GFUS: variants seen among roughly 807,000 people sequenced by gnomAD.
The protein encoded by GFUS is 3-5 epimerase/4-reductase.
In GFUS, 42 loss-of-function variants were observed where a neutral mutation model predicts 41.5. The ratio of observed to expected loss-of-function variants is 1.01; its 90% CI spans 0.79 to 1.31. GFUS has a LOEUF of 1.31. Ranked by LOEUF, GFUS falls within the 50% of genes most tolerant of loss-of-function variation. The pLI is 0.00. For synonymous variants in GFUS, 188 were observed against 173.4 expected (o/e 1.08, Z -0.66); for missense variants, 437 against 428.7 (o/e 1.02, Z -0.17).
Position 143,612,847 on chromosome 8 carries a change from G to A in GFUS, c.*63C>T, listed in dbSNP as rs1017286217. The A allele has an allele frequency of 5.4e-5, 84 of 1,553,048 alleles. No individual in the cohort carries two copies. The Admixed American group carries it at 1.5e-3, about 27-fold the overall frequency. ...GCCCTCAGCTCCTGGCAGGGTTGAC[G>A]GGTGGTGGCCGCTGGGCTCTGCCAG... On this transcript the variant is annotated 3_prime_UTR_variant, in exon 11 of 11. Coordinates refer to ENST00000425753, the MANE Select transcript of GFUS (RefSeq NM_003313.4).
intron 10 of GFUS, 88 bp downstream of exon 10, chr8:143,613,108 G>A (rs1036772712): frequency 1.3e-6 from 2 of 1,536,998 alleles, no homozygotes; most frequent in South Asian, 2.2e-5. Flanking sequence ...GCTCTGAGGG[G>A]GCACCTCACC....
At chr8:143,614,746 C>G (rs373379417) in intron 4 of GFUS, 41 bp downstream of exon 4, 1 of 1,613,152 alleles carries the variant, frequency 6.2e-7, no homozygotes, top group Non-Finnish European at 8.5e-7. Context: ...CCCTGCCCAC[C>G]GGCTCCCCGG....
rs1226839692 is a variant in GFUS, at chr8:143,612,805, C to G, written c.*105G>C. ...GCTGCAGAGCGGATGGAATGCAGGC[C>G]CAGGTTGCTGGGTGGTGCCCTCAGC... On this transcript the variant is annotated 3_prime_UTR_variant, in exon 11 of 11. Coordinates refer to ENST00000425753, the MANE Select transcript of GFUS (RefSeq NM_003313.4). 4.4e-6 allele frequency: 6 copies of G among 1,376,758 alleles called. No homozygotes were observed. The highest frequency in any genetic ancestry group is 6.0e-6 in the Non-Finnish European group (6 of 1,005,006). The allele number at this position is 1,376,758 out of a possible 1,614,324, so 85.3% of individuals were successfully genotyped here. A position where few individuals can be genotyped will look rare whatever the true frequency, so the allele number is the denominator to read the frequency against.
rs766483767 is a variant in GFUS, at chr8:143,614,617, C to T, written c.464+7G>A. 11 of 1,580,782 alleles carry T rather than the reference C, an allele frequency of 7.0e-6. No homozygotes were observed. The highest frequency in any genetic ancestry group is 3.4e-5 in the Admixed American group (2 of 58,764). ...TGGCTGGGCCTCAGCAGGATGGGCG[C>T]GAGGACCTGTTCTGCACGTCGATCA... On this transcript the variant is annotated splice_region_variant and intron_variant, in intron 5 of 10. Coordinates refer to ENST00000425753, the MANE Select transcript of GFUS (RefSeq NM_003313.4).
chr8:143,614,089 G>T, intron 7 of GFUS, 75 bp downstream of exon 7: 1 of 1,584,164 alleles, frequency 6.3e-7, no homozygotes. Context: ...CCACCTCCCC[G>T]ACAGCCCAGC....
Position 143,614,845 on chromosome 8 carries a change from G to A in GFUS, c.332C>T (p.Ser111Phe). 1 of 1,613,762 alleles carries A rather than the reference G, an allele frequency of 6.2e-7. No homozygotes were observed. Among genetic ancestry groups the A allele is most frequent in the Non-Finnish European group, 8.5e-7 (1 of 1,179,990 alleles). Residue 111 changes from serine (S) to phenylalanine (F), a missense_variant, in exon 4 of 11, where the codon TCC becomes TTC. By Grantham distance (155) the Ser-to-Phe change is radical. Transcript: ENST00000425753. ...AGGGAAGATACAGGTGGACAGGCAG[G>A]ACACCACCTTGCGGGCGCCCACCTC... ...AFEVGARKVV[S>F]CLSTCIFPDK... is the part of the protein sequence containing the mutation.
chr8:143,613,498 C>T, intron 9 of GFUS, 26 bp downstream of exon 9: 4 of 1,607,854 alleles, frequency 2.5e-6, no homozygotes, highest in Non-Finnish European at 3.4e-6. Context: ...CCCCGCCCAA[C>T]CCCCAGCACT....
intron 9 of GFUS, 71 bp downstream of exon 9, chr8:143,613,453 C>T: frequency 2.6e-6 from 4 of 1,558,532 alleles, no homozygotes; most frequent in Non-Finnish European, 3.5e-6. Flanking sequence ...CACGCTGGCC[C>T]TACACCGGGT....
Position 143,617,493 on chromosome 8 carries a change from C to T in GFUS, c.-31G>A, listed in dbSNP as rs1488141598. Reference sequence around the variant, plus strand: ...CCTCACCTGCGTCCAGCCCCACCGCCGGCTCCCCGACAGCGGCTTCCGGCC... The same window carrying T: ...CCTCACCTGCGTCCAGCCCCACCGCTGGCTCCCCGACAGCGGCTTCCGGCC... On this transcript the variant is annotated 5_prime_UTR_variant, in exon 1 of 11. Coordinates refer to ENST00000425753, the MANE Select transcript of GFUS (RefSeq NM_003313.4). 1.3e-5 allele frequency: 2 copies of T among 152,292 alleles called. No individual in the cohort carries two copies. Among genetic ancestry groups the T allele is most frequent in the Non-Finnish European group, 2.9e-5 (2 of 68,082 alleles). The allele number at this position is 152,292 out of a possible 1,614,324, so 9.4% of individuals were successfully genotyped here. A position where few individuals can be genotyped will look rare whatever the true frequency, so the allele number is the denominator to read the frequency against.
chr8:143,616,701 G>A lies in GFUS; in HGVS notation c.12C>T (p.Pro4=), dbSNP rs745986929. The change falls in exon 2 of 11, where the codon CCC becomes CCT. Residue 4 remains proline (P), a synonymous_variant. Coordinates refer to ENST00000425753, the MANE Select transcript of GFUS (RefSeq NM_003313.4). MGE[P]QGSMRILVTG... ...TCACTAGAATCCGCATGGATCCCTG[G>A]GGTTCACCCATGTCAGTTGCACCTG... is the stretch of plus-strand genomic sequence containing the variant. The A allele has an allele frequency of 6.2e-7, 1 of 1,613,520 alleles. No individual in the cohort carries two copies. Among genetic ancestry groups the A allele is most frequent in the Non-Finnish European group, 8.5e-7 (1 of 1,179,960 alleles).
rs776683209 is a variant in GFUS, at chr8:143,616,672, CCT to C, written c.39_40del (p.Gly15LeufsTer29). ...GGCTTTGCCTACCAGCCCAGAGCCC[CCT>C]GTCACTAGAATCCGCATGGATCCCT... On this transcript the variant is annotated frameshift_variant, in exon 2 of 11. Transcript: ENST00000425753. LOFTEE classifies it high-confidence loss of function. 13 of 1,613,722 alleles carry C rather than the reference CCT, an allele frequency of 8.1e-6. No homozygotes were observed. In the Admixed American group the frequency reaches 1.2e-4, roughly 14 times the overall value.
intron 3 of GFUS, 149 bp from the exon 4 acceptor site, chr8:143,615,064 C>T (rs1829690747): frequency 7.7e-7 from 1 of 1,292,880 alleles, no homozygotes. Flanking sequence ...CCGGACAAGG[C>T]AGTGGGCTTA....
chr8:143,616,874 T>A, intron 1 of GFUS, 151 bp from the exon 2 acceptor site: 1 of 884,768 alleles, frequency 1.1e-6, no homozygotes, highest in South Asian at 1.6e-5. Context: ...AGGCACTCCC[T>A]CGTCGCAGCC....
At chr8:143,613,058 CCCCTCAG>C in intron 10 of GFUS, 93 bp from the exon 11 acceptor site, 1 of 1,567,930 alleles carries the variant, frequency 6.4e-7, no homozygotes, top group Non-Finnish European at 8.7e-7. Flanking sequence ...AGGGAAGTCA[CCCCTCAG>C]AGCTTTGGTG....
rs147382289 is a variant in GFUS, at chr8:143,614,186, C to T, written c.641G>A (p.Arg214Gln). 66 of 1,613,394 alleles carry T rather than the reference C, an allele frequency of 4.1e-5. No homozygotes were observed. Among genetic ancestry groups the T allele is most frequent in the African/African-American group, 6.7e-5 (5 of 74,942 alleles). ...CACCAGCGAGTATATGAACTGCCTC[C>T]GCGGATTCCCTGTACCCCACACCGT... ...ALTVWGTGNPRRQFIYSLDLA... is the reference protein window; with the variant it reads ...ALTVWGTGNPQRQFIYSLDLA... The change falls in exon 7 of 11, where the codon CGG becomes CAG. Residue 214 changes from arginine to glutamine, a missense_variant. By Grantham distance (43) the Arg-to-Gln change is conservative (BLOSUM62 1). Coordinates refer to ENST00000425753, the MANE Select transcript of GFUS (RefSeq NM_003313.4).
chr8:143,613,130 A>C, intron 10 of GFUS, 66 bp downstream of exon 10: 1 of 1,554,590 alleles, frequency 6.4e-7, no homozygotes, highest in South Asian at 1.1e-5. Flanking sequence ...CTGCCCTGGT[A>C]GCGAGCATGA....
At chr8:143,615,350 GC>G (rs1424453524) in intron 3 of GFUS, among the ~76,000 whole-genome samples, 2 of 152,202 alleles carry the variant, frequency 1.3e-5, no homozygotes, top group Admixed American at 6.5e-5. Flanking sequence ...GCCTGCGCTT[GC>G]CGGGTCCACC....
chr8:143,616,585 G>A lies in GFUS; in HGVS notation c.128C>T (p.Ser43Phe), dbSNP rs776836876. The A allele has an allele frequency of 1.1e-5, 18 of 1,613,742 alleles. No individual in the cohort carries two copies. Among genetic ancestry groups the A allele is most frequent in the African/African-American group, 1.3e-5 (1 of 74,904 alleles). Reference protein sequence around the residue: ...LPGEDWVFVSSKDADLTDTAQ... With the variant: ...LPGEDWVFVSFKDADLTDTAQ... ...CACTCACGTGAGATCGGCGTCTTTA[G>A]AGGAGACAAACACCCAGTCCTCTCC... The change falls in exon 2 of 11, where the codon TCT (serine) becomes TTT (phenylalanine). Residue 43 changes from serine (S) to phenylalanine (F), a missense_variant. Transcript: ENST00000425753.
At chr8:143,616,023 CTG>C in intron 3 of GFUS, 81 bp downstream of exon 3, 2 of 1,192,816 alleles carry the variant, frequency 1.7e-6, no homozygotes, top group Non-Finnish European at 2.4e-6. Flanking sequence ...GAATGTGGGC[CTG>C]TGAGAGTGGG....
Sources: allele counts gnomAD v4.1 joint callset (sites outside exome capture counted in the v4.1 genomes callset), GRCh38; gene constraint gnomAD v4.1.1; transcripts MANE v1.5; gene names NCBI Gene and HGNC (gene_info 2026-07-23, HGNC 2026-07-21).